ARHGAP18: variants seen among roughly 807,000 people sequenced by gnomAD.
The protein encoded by ARHGAP18 is rho GTPase-activating protein 18.
Under a neutral mutation model 86.2 loss-of-function variants are expected in ARHGAP18, and 67 were observed. The ratio of observed to expected loss-of-function variants is 0.78; its 90% CI spans 0.64 to 0.95. The LOEUF is 0.95. Ranked by LOEUF, ARHGAP18 falls within the 40% of genes least tolerant of loss-of-function variation. ARHGAP18 has a pLI of 0.00. For missense variants in ARHGAP18, 691 were observed against 780.4 expected (o/e 0.89, Z 1.37); for synonymous variants, 283 against 280.4 (o/e 1.01, Z -0.09).
intron 13 of ARHGAP18, 63 bp from the exon 14 acceptor site, chr6:129,580,194 A>C: frequency 7.0e-7 from 1 of 1,423,946 alleles, no homozygotes; most frequent in Non-Finnish European, 9.9e-7. Context: ...AAATCACTTT[A>C]ACGTGCTTGG....
chr6:129,629,286 T>C, intron 5 of ARHGAP18, 67 bp downstream of exon 5: 1 of 1,335,060 alleles, frequency 7.5e-7, no homozygotes, highest in Non-Finnish European at 1.0e-6. Context: ...TGTGTGTATG[T>C]ATATGTGTGT....
chr6:129,691,734 C>T (rs1171531457), intron 1 of ARHGAP18, among the ~76,000 whole-genome samples: 1 of 152,210 alleles, frequency 6.6e-6, no homozygotes, highest in Non-Finnish European at 1.5e-5. Flanking sequence ...GCTGATACTA[C>T]ATTCACATAA....
At position 129,600,643 on chromosome 6, in the gene ARHGAP18, G is replaced by T; in HGVS notation, c.1571C>A (p.Thr524Lys). Residue 524 changes from threonine to lysine, a missense_variant and splice_region_variant, in exon 11 of 15, where the codon ACA (threonine) becomes AAA (lysine). Physicochemically the swap from Thr to Lys is moderately conservative, Grantham distance 78. Transcript: ENST00000368149. ...LLIKYQKLLW[T>K]IPKFIVNQVR... Reference sequence around the variant, plus strand: ...CCAAAGCATATGATATATACTTACTGTCCACAGAAGTTTTTGGTACTTAAT... The same window carrying T: ...CCAAAGCATATGATATATACTTACTTTCCACAGAAGTTTTTGGTACTTAAT... 6.2e-7 allele frequency: 1 copy of T among 1,612,250 alleles called. No individual in the cohort carries two copies. Among genetic ancestry groups the T allele is most frequent in the South Asian group, 1.1e-5 (1 of 90,982 alleles).
At chr6:129,672,174 C>T (rs567770254) in intron 1 of ARHGAP18, among the ~76,000 whole-genome samples, 4 of 152,256 alleles carry the variant, frequency 2.6e-5, no homozygotes, top group Non-Finnish European at 5.9e-5. Context: ...CAATCATCGC[C>T]ATTCAAATTT....
intron 4 of ARHGAP18, among the ~76,000 whole-genome samples, chr6:129,632,381 C>T (rs918719320): frequency 1.3e-5 from 2 of 152,176 alleles, no homozygotes; most frequent in African/African-American, 4.8e-5. Context: ...CAGGAAAGTG[C>T]TCACATTATG....
intron 1 of ARHGAP18, among the ~76,000 whole-genome samples, chr6:129,665,864 G>A (rs1249324381): frequency 6.6e-6 from 1 of 152,104 alleles, no homozygotes; most frequent in African/African-American, 2.4e-5. Flanking sequence ...AAACTTGAAT[G>A]AGATACGTAC....
chr6:129,652,428 T>C (rs981820033), intron 1 of ARHGAP18, among the ~76,000 whole-genome samples: 2 of 152,242 alleles, frequency 1.3e-5, no homozygotes, highest in Non-Finnish European at 2.9e-5. Context: ...GTTTCCTTTC[T>C]GAGAAATCTA....
At chr6:129,589,843 C>T (rs983579464) in intron 12 of ARHGAP18, among the ~76,000 whole-genome samples, 5 of 152,152 alleles carry the variant, frequency 3.3e-5, no homozygotes, top group Non-Finnish European at 7.4e-5. Context: ...GAAGCCAGTT[C>T]GAGTCCCAAA....
intron 12 of ARHGAP18, among the ~76,000 whole-genome samples, chr6:129,589,768 A>G (rs544947961): frequency 1.3e-5 from 2 of 152,278 alleles, no homozygotes; most frequent in Non-Finnish European, 2.9e-5. Flanking sequence ...TTTATTAAGG[A>G]GTATTGACTC....
intron 1 of ARHGAP18, among the ~76,000 whole-genome samples, chr6:129,687,525 G>A (rs753482675): frequency 3.9e-5 from 6 of 152,144 alleles, no homozygotes; most frequent in Non-Finnish European, 5.9e-5. Flanking sequence ...TACTGAGGAC[G>A]CACCTTCATT....
rs1048264547 is a variant in ARHGAP18 at position 129,576,190 on chromosome 6, CAAAT to C, written c.*2319_*2322del. 5 of 151,344 alleles carry C rather than the reference CAAAT, an allele frequency of 3.3e-5. No homozygotes were observed. The highest frequency in any genetic ancestry group is 1.2e-4 in the African/African-American group (5 of 41,308). The allele number at this position is 151,344 out of a possible 1,614,324, so 9.4% of individuals were successfully genotyped here. A position where few individuals can be genotyped will look rare whatever the true frequency, so the allele number is the denominator to read the frequency against. ...TTTGTCTCATACACACACAGAAAAA[CAAAT>C]AAAAATCTAGCCTGAGATTTAAAAC... On this transcript the variant is annotated 3_prime_UTR_variant, in exon 15 of 15. Transcript: ENST00000368149.
At chr6:129,612,839 T>C (rs1473505722) in intron 7 of ARHGAP18, among the ~76,000 whole-genome samples, 1 of 152,184 alleles carries the variant, frequency 6.6e-6, no homozygotes, top group Admixed American at 6.5e-5. Context: ...AGGAAGTCAG[T>C]AAGAACTAAG....
chr6:129,591,882 T>C (rs548113126), intron 12 of ARHGAP18, among the ~76,000 whole-genome samples: 1 of 152,322 alleles, frequency 6.6e-6, no homozygotes, highest in Non-Finnish European at 1.5e-5. Context: ...ACTAAAATGG[T>C]ATATTCATCA....
At chr6:129,698,533 CTTT>C (rs59159724) in intron 1 of ARHGAP18, among the ~76,000 whole-genome samples, 18 of 138,030 alleles carry the variant, frequency 1.3e-4, no homozygotes, top group East Asian at 2.1e-4. Context: ...TGTTAAAGCA[CTTT>C]TTTTTTTTTT....
At chr6:129,653,864 G>A (rs940259675) in intron 1 of ARHGAP18, among the ~76,000 whole-genome samples, 1 of 151,962 alleles carries the variant, frequency 6.6e-6, no homozygotes, top group African/African-American at 2.4e-5. Context: ...GCAACATAGT[G>A]AGACATTGTC....
chr6:129,649,912 T>A (rs1442153736), intron 1 of ARHGAP18, among the ~76,000 whole-genome samples: 2 of 129,754 alleles, frequency 1.5e-5, no homozygotes, highest in Non-Finnish European at 3.3e-5. Flanking sequence ...TTCTTTTTTT[T>A]TGTTTTTTTT....
At chr6:129,650,400 G>A (rs1562710929) in intron 1 of ARHGAP18, among the ~76,000 whole-genome samples, 1 of 152,134 alleles carries the variant, frequency 6.6e-6, no homozygotes, top group Non-Finnish European at 1.5e-5. Flanking sequence ...AACATATACG[G>A]GAAAATAGTA....
At chr6:129,591,427 C>T (rs569221241) in intron 12 of ARHGAP18, among the ~76,000 whole-genome samples, 47 of 152,046 alleles carry the variant, frequency 3.1e-4, no homozygotes, top group South Asian at 1.0e-3. Context: ...GACTAACACT[C>T]CATCAAAGAA....
chr6:129,701,221 A>G (rs1448366230), intron 1 of ARHGAP18, among the ~76,000 whole-genome samples: 1 of 152,216 alleles, frequency 6.6e-6, no homozygotes, highest in African/African-American at 2.4e-5. Context: ...AACGTTACAC[A>G]TTTGATCTTC....
Sources: gnomAD v4.1 joint callset for allele counts (sites outside exome capture counted in the v4.1 genomes callset) on GRCh38, gnomAD v4.1.1 for gene constraint, MANE v1.5 for transcripts, NCBI Gene and HGNC (gene_info 2026-07-23, HGNC 2026-07-21) for gene names.